The following PI4KA variants were observed in gnomAD, a reference collection of about 807,000 sequenced individuals.
PI4KA encodes PI4-kinase alpha.
Under a neutral mutation model 271.4 loss-of-function variants are expected in PI4KA, and 122 were observed. The observed-to-expected ratio is 0.45, with a 90% CI of 0.39 to 0.52. The LOEUF is 0.52. Ranked by LOEUF, PI4KA falls within the 20% of genes least tolerant of loss-of-function variation. The pLI is 0.00. For missense variants in PI4KA, 1,969 were observed against 2,769.1 expected (o/e 0.71, Z 6.48); for synonymous variants, 1,041 against 1,078.8 (o/e 0.96, Z 0.69).
chr22:20,751,719 C>T lies in PI4KA; in HGVS notation c.3024G>A (p.Lys1008=), dbSNP rs747525047. ...GGGTCTGCAGGATGTCCAGCATGGT[C>T]TTCAGCACAGTCCCGCTCCAGAGCA... The part of the protein sequence containing the change: ...PHLLWSGTVL[K]TMLDILQTLS... Residue 1008 remains lysine (K), a synonymous_variant, in exon 26 of 55, where the codon AAG becomes AAA. Transcript: ENST00000255882. 2.5e-6 allele frequency: 4 copies of T among 1,614,150 alleles called. No individual in the cohort carries two copies. Among genetic ancestry groups the T allele is most frequent in the Non-Finnish European group, 3.4e-6 (4 of 1,180,018 alleles).
intron 23 of PI4KA, among the ~76,000 whole-genome samples, chr22:20,758,383 A>C (rs1012021123): frequency 4.1e-5 from 6 of 147,640 alleles, no homozygotes; most frequent in East Asian, 3.9e-4. Flanking sequence ...AAAAAAAAAA[A>C]AAAAAACATG....
intron 19 of PI4KA, chr22:20,779,688 C>A: frequency 1.2e-6 from 2 of 1,614,258 alleles, no homozygotes; most frequent in Non-Finnish European, 1.7e-6. Context: ...GATCCAGCGT[C>A]TTAACATCCT....
At chr22:20,758,676 T>C (rs1181425319) in intron 23 of PI4KA, among the ~76,000 whole-genome samples, 1 of 152,142 alleles carries the variant, frequency 6.6e-6, no homozygotes, top group Non-Finnish European at 1.5e-5. Flanking sequence ...CAGCCAGAGC[T>C]TGACAGCATC....
chr22:20,761,522 A>C (rs920934150), intron 22 of PI4KA, 136 bp from the exon 23 acceptor site: 1 of 660,730 alleles, frequency 1.5e-6, no homozygotes, highest in African/African-American at 1.8e-5. Flanking sequence ...ACTGAGGTGG[A>C]CTTTTTGGAG....
At chr22:20,798,710 G>C in intron 16 of PI4KA, 23 bp from the exon 17 acceptor site, 3 of 1,502,596 alleles carry the variant, frequency 2.0e-6, no homozygotes, top group Non-Finnish European at 1.9e-6. Context: ...AAGATGCACT[G>C]TCACCATGCA....
At chr22:20,828,959 A>C (rs1923802899) in intron 3 of PI4KA, among the ~76,000 whole-genome samples, 1 of 152,182 alleles carries the variant, frequency 6.6e-6, no homozygotes, top group Admixed American at 6.5e-5. Flanking sequence ...TTCTGCCATG[A>C]ATCACATTAA....
intron 27 of PI4KA, among the ~76,000 whole-genome samples, chr22:20,750,541 T>C (rs1930565134): frequency 6.6e-6 from 1 of 152,236 alleles, no homozygotes; most frequent in Non-Finnish European, 1.5e-5. Flanking sequence ...CTATGATCTG[T>C]ATGTAATTCC....
At chr22:20,727,506 A>G (rs1927503325) in intron 40 of PI4KA, 109 bp from the exon 41 acceptor site, 1 of 1,047,346 alleles carries the variant, frequency 9.5e-7, no homozygotes, top group South Asian at 1.7e-5. Flanking sequence ...GTTTCTAAGC[A>G]TCGGTAACCA....
intron 42 of PI4KA, chr22:20,725,412 T>A: frequency 3.2e-6 from 1 of 310,902 alleles, no homozygotes; most frequent in South Asian, 2.6e-5. Context: ...CCCTTCAAAT[T>A]CATATGTTAC....
At chr22:20,856,298 C>G (rs1221349468) in intron 1 of PI4KA, among the ~76,000 whole-genome samples, 3 of 151,962 alleles carry the variant, frequency 2.0e-5, no homozygotes, top group African/African-American at 7.3e-5. Context: ...GGCAACAGAG[C>G]GAGACTCCCT....
chr22:20,812,460 G>C (rs1273920623), intron 8 of PI4KA, among the ~76,000 whole-genome samples: 1 of 152,146 alleles, frequency 6.6e-6, no homozygotes, highest in Non-Finnish European at 1.5e-5. Context: ...CCAATCTTGA[G>C]AGTCTGGCCT....
intron 4 of PI4KA, among the ~76,000 whole-genome samples, chr22:20,821,238 G>A (rs1922614468): frequency 6.6e-6 from 1 of 152,138 alleles, no homozygotes; most frequent in Non-Finnish European, 1.5e-5. Context: ...ATTTGTTTGA[G>A]ACGAAGTTTC....
rs1933871692 is a variant in PI4KA at position 20,782,448 on chromosome 22, G to A, written c.2328+10745C>T. Among the ~76,000 whole-genome samples the A allele has an allele frequency of 2.0e-5, 3 of 152,312 alleles. No individual in the cohort carries two copies. In the South Asian group the frequency reaches 6.2e-4, roughly 32 times the overall value. ...TTCATGGATGCTTCTCAAAGGGGAC[G>A]AGTGTCTAGAAGTGTAATTTTAATT... On this transcript the variant is annotated intron_variant, in intron 19 of 54. Transcript: ENST00000255882.
In PI4KA at chr22:20,822,056, C is replaced by G. The variant is rs183057053; in HGVS notation, c.457-1445G>C. ...TCAGGAGGCTGACGTGTGAGGGTCA[C>G]TTGAGCCCAGGAGGCCGAGGATATA... On this transcript the variant is annotated intron_variant, in intron 4 of 54. Coordinates refer to ENST00000255882, the MANE Select transcript of PI4KA (RefSeq NM_058004.4). Among the ~76,000 whole-genome samples, 538 of 152,306 alleles carry G rather than the reference C, an allele frequency of 3.5e-3. 3 individuals carry two copies. Among genetic ancestry groups the G allele is most frequent in the Middle Eastern group, 6.8e-3 (2 of 294 alleles).
chr22:20,753,105 C>T lies in PI4KA; in HGVS notation c.2862+5G>A. The T allele has an allele frequency of 6.2e-7, 1 of 1,614,168 alleles. No homozygotes were observed. The highest frequency in any genetic ancestry group is 8.5e-7 in the Non-Finnish European group (1 of 1,180,024). ...CAGACACGCATTCATGCTGGAGAGG[C>T]TTACTTTATCCGCCATCATGTTCAG... On this transcript the variant is annotated splice_donor_5th_base_variant and intron_variant, in intron 24 of 54. Coordinates refer to ENST00000255882, the MANE Select transcript of PI4KA (RefSeq NM_058004.4).
chr22:20,797,694 G>A (rs573375958), intron 17 of PI4KA, among the ~76,000 whole-genome samples: 1 of 152,286 alleles, frequency 6.6e-6, no homozygotes, highest in South Asian at 2.1e-4. Flanking sequence ...GGCAGATGAG[G>A]AAACTGAGGC....
intron 1 of PI4KA, among the ~76,000 whole-genome samples, chr22:20,846,511 G>A (rs866319115): frequency 6.6e-6 from 1 of 151,944 alleles, no homozygotes; most frequent in Non-Finnish European, 1.5e-5. Context: ...GGGGAACAAC[G>A]CACGCTGGGG....
In PI4KA at chr22:20,765,125, G is replaced by C; in HGVS notation, c.2549C>G (p.Ala850Gly). The C allele has an allele frequency of 6.2e-7, 1 of 1,613,576 alleles. No individual in the cohort carries two copies. The highest frequency in any genetic ancestry group is 8.5e-7 in the Non-Finnish European group (1 of 1,179,722). ...PLRSVLQYNSAMKNDTVTPAE... is the reference protein window; with the variant it reads ...PLRSVLQYNSGMKNDTVTPAE... The stretch of plus-strand genomic sequence containing the variant: ...GGGGGTGACCGTGTCATTCTTCATG[G>C]CTGAGTTATACTGGAGGACGGACCG... The change falls in exon 21 of 55, where the codon GCC becomes GGC. Residue 850 changes from alanine (A) to glycine (G), a missense_variant. Transcript: ENST00000255882.
chr22:20,780,961 A>G (rs1933753738), intron 19 of PI4KA, among the ~76,000 whole-genome samples: 2 of 152,098 alleles, frequency 1.3e-5, no homozygotes, highest in South Asian at 2.1e-4. Flanking sequence ...CCAATTATCA[A>G]TAAGCAGGAA....
Sources: allele counts gnomAD v4.1 joint callset (sites outside exome capture counted in the v4.1 genomes callset), GRCh38; gene constraint gnomAD v4.1.1; transcripts MANE v1.5; gene names NCBI Gene and HGNC (gene_info 2026-07-23, HGNC 2026-07-21).